FAAH2: variants seen among roughly 807,000 people sequenced by gnomAD.
FAAH2 encodes fatty acid amide hydrolase 2.
In FAAH2, 60 loss-of-function variants were observed where a neutral mutation model predicts 36.9. The observed-to-expected ratio is 1.63, with a 90% CI of 1.32 to 2.02. FAAH2 has a LOEUF of 2.02. Among genes scored for constraint, FAAH2 ranks in the 30% most tolerant of loss-of-function variants. The pLI, the probability that FAAH2 is intolerant of heterozygous loss-of-function variation, is 0.00. For missense variants in FAAH2, 689 were observed against 397.5 expected (o/e 1.73, Z -6.23); for synonymous variants, 214 against 143.8 (o/e 1.49, Z -3.49).
At chrX:57,279,001 T>C in the FAAH2 span, among the ~76,000 whole-genome samples, 3 of 112,051 alleles carry the variant, frequency 2.7e-5, no homozygotes, top group East Asian at 8.4e-4. Flanking sequence ...TTTACACTGT[T>C]AGGGGAGTGT....
Position 57,331,578 on chromosome X carries a change from C to G in FAAH2, c.413-20C>G. On this transcript the variant is annotated intron_variant, in intron 3 of 10. Transcript: ENST00000374900. ...TTTTATTTAATAATTTTTAAACATTCTTTTCTGTGACTCTTTTAGGAATGC... is the reference window on the plus strand; with the variant it reads ...TTTTATTTAATAATTTTTAAACATTGTTTTCTGTGACTCTTTTAGGAATGC... The G allele has an allele frequency of 8.5e-7, 1 of 1,182,703 alleles. No individual in the cohort carries two copies. Among genetic ancestry groups the G allele is most frequent in the Non-Finnish European group, 1.1e-6 (1 of 875,983 alleles).
intron 9 of FAAH2, among the ~76,000 whole-genome samples, 167 bp downstream of exon 9, chrX:57,447,206 G>T (rs1007277699): frequency 2.7e-5 from 3 of 111,867 alleles, no homozygotes; most frequent in Non-Finnish European, 5.6e-5. Context: ...TCACATCCAG[G>T]TCACGCTGAT....
intron 5 of FAAH2, among the ~76,000 whole-genome samples, chrX:57,349,718 G>T (rs1158760924): frequency 9.3e-6 from 1 of 108,007 alleles, no homozygotes; most frequent in Non-Finnish European, 1.9e-5. Context: ...AAAAATAAGA[G>T]AACAAAGAAT....
At chrX:57,456,212 CAAAATT>C (rs2056862944) in intron 10 of FAAH2, among the ~76,000 whole-genome samples, 1 of 111,348 alleles carries the variant, frequency 9.0e-6, no homozygotes, top group East Asian at 2.8e-4. Flanking sequence ...GGGCAAAAAA[CAAAATT>C]AAGACAGTAA....
At chrX:57,291,310 G>T (rs905786203) in intron 1 of FAAH2, among the ~76,000 whole-genome samples, 4 of 111,880 alleles carry the variant, frequency 3.6e-5, no homozygotes, top group African/African-American at 9.7e-5. Context: ...GTATATGACT[G>T]TTACAGCATC....
intron 8 of FAAH2, among the ~76,000 whole-genome samples, chrX:57,439,989 G>C (rs1361176741): frequency 9.0e-6 from 1 of 111,665 alleles, no homozygotes; most frequent in Non-Finnish European, 1.9e-5. Flanking sequence ...GTACCATGCT[G>C]TTTTGGTTAC....
At chrX:57,235,053 G>T in the FAAH2 span, among the ~76,000 whole-genome samples, 1 of 110,894 alleles carries the variant, frequency 9.0e-6, no homozygotes, top group African/African-American at 3.3e-5. Context: ...CCCAGGGACT[G>T]GGGGCCCTTG....
chrX:57,440,698 T>A (rs997041141), intron 8 of FAAH2, among the ~76,000 whole-genome samples: 3 of 111,903 alleles, frequency 2.7e-5, no homozygotes, highest in African/African-American at 9.7e-5. Context: ...AAGGGAATGC[T>A]TCCAGTTTTT....
At chrX:57,277,978 C>A in the FAAH2 span, among the ~76,000 whole-genome samples, 3 of 111,504 alleles carry the variant, frequency 2.7e-5, no homozygotes, top group African/African-American at 9.8e-5. Context: ...GCATCAATAT[C>A]GTGAAAATGG....
At chrX:57,212,425 T>G in the FAAH2 span, among the ~76,000 whole-genome samples, 1 of 111,530 alleles carries the variant, frequency 9.0e-6, no homozygotes, top group Non-Finnish European at 1.9e-5. Context: ...TTAAAGAAAG[T>G]GAACAGGATA....
intron 7 of FAAH2, 75 bp downstream of exon 7, chrX:57,381,104 A>G: frequency 1.4e-6 from 1 of 720,148 alleles, no homozygotes; most frequent in Non-Finnish European, 2.1e-6. Flanking sequence ...TACTTCACTT[A>G]CTGCCAAATA....
At chrX:57,374,258 G>A (rs1002123648) in intron 5 of FAAH2, among the ~76,000 whole-genome samples, 11 of 111,552 alleles carry the variant, frequency 9.9e-5, no homozygotes, top group Admixed American at 9.5e-4. Context: ...GAATGATCAT[G>A]GTATTTTAAT....
At chrX:57,275,710 A>C in the FAAH2 span, among the ~76,000 whole-genome samples, 2 of 107,111 alleles carry the variant, frequency 1.9e-5, no homozygotes, top group African/African-American at 7.2e-5. Context: ...TAGGCTCAAA[A>C]TAAAGGGATG....
At chrX:57,315,277 T>C (rs2052804209) in intron 3 of FAAH2, among the ~76,000 whole-genome samples, 1 of 110,643 alleles carries the variant, frequency 9.0e-6, no homozygotes, top group South Asian at 3.8e-4. Flanking sequence ...AACCTACCAA[T>C]CAAAAAGTGT....
chrX:57,342,611 A>AT (rs767296013), intron 5 of FAAH2, among the ~76,000 whole-genome samples: 8 of 110,549 alleles, frequency 7.2e-5, no homozygotes, highest in African/African-American at 2.6e-4. Flanking sequence ...GAGTTGACCT[A>AT]TTTTTTTTCC....
the FAAH2 span, among the ~76,000 whole-genome samples, chrX:57,205,744 T>G: frequency 8.9e-6 from 1 of 112,466 alleles, no homozygotes; most frequent in Non-Finnish European, 1.9e-5. Flanking sequence ...ATCCAATTAG[T>G]TAATTTCAAA....
At chrX:57,295,486 A>T in intron 2 of FAAH2, among the ~76,000 whole-genome samples, 1 of 111,976 alleles carries the variant, frequency 8.9e-6, no homozygotes. Flanking sequence ...TGGAGCCAAG[A>T]TGGCCGAATA....
At chrX:57,328,165 A>G (rs1035233511) in intron 3 of FAAH2, among the ~76,000 whole-genome samples, 1 of 111,705 alleles carries the variant, frequency 9.0e-6, no homozygotes, top group Non-Finnish European at 1.9e-5. Flanking sequence ...ATATTGGTGA[A>G]CAGCAAATGT....
At chrX:57,296,885 G>A (rs969031161) in intron 2 of FAAH2, among the ~76,000 whole-genome samples, 17 of 111,210 alleles carry the variant, frequency 1.5e-4, no homozygotes, top group African/African-American at 4.6e-4. Flanking sequence ...GAAATGAAGC[G>A]AGAAGAGAAG....
Sources: allele counts gnomAD v4.1 joint callset (sites outside exome capture counted in the v4.1 genomes callset), GRCh38; gene constraint gnomAD v4.1.1; transcripts MANE v1.5; gene names NCBI Gene and HGNC (gene_info 2026-07-23, HGNC 2026-07-21).